NALF1: variants seen among roughly 807,000 people sequenced by gnomAD.
NALF1 encodes family with sequence similarity 155 member A.
NALF1 carries 3 observed loss-of-function variants against 48.4 expected under a neutral mutation model. The ratio of observed to expected loss-of-function variants is 0.06; its 90% CI spans 0.03 to 0.16. NALF1 has a LOEUF of 0.16. Ranked by LOEUF, NALF1 falls within the 10% of genes least tolerant of loss-of-function variation. The pLI, the probability that NALF1 is intolerant of heterozygous loss-of-function variation, is 1.00. For synonymous variants in NALF1, 262 were observed against 245.7 expected (o/e 1.07, Z -0.62); for missense variants, 526 against 571.5 (o/e 0.92, Z 0.81).
chr13:107,818,851 G>C (rs572622461), intron 1 of NALF1, among the ~76,000 whole-genome samples: 7 of 92,802 alleles, frequency 7.5e-5, no homozygotes, highest in African/African-American at 3.7e-4. Context: ...CAGCCTGGGC[G>C]ACAGAGCGAG....
intron 1 of NALF1, among the ~76,000 whole-genome samples, chr13:107,546,396 G>T (rs145694361): frequency 6.6e-6 from 1 of 151,822 alleles, no homozygotes; most frequent in East Asian, 1.9e-4. Context: ...CCTCTCACAT[G>T]TTTCCTCTTA....
intron 1 of NALF1, among the ~76,000 whole-genome samples, chr13:107,480,670 A>G (rs1885241068): frequency 6.6e-6 from 1 of 152,222 alleles, no homozygotes; most frequent in South Asian, 2.1e-4. Context: ...GTCCTGGGAT[A>G]CATGCGGCCC....
intron 1 of NALF1, among the ~76,000 whole-genome samples, chr13:107,637,356 C>T (rs73597309): frequency 0.016 from 2,497 of 151,808 alleles, 75 homozygotes; most frequent in African/African-American, 0.057. Flanking sequence ...TATTATATTT[C>T]TCCTATACTT....
At chr13:107,350,929 G>A (rs980171729) in intron 1 of NALF1, among the ~76,000 whole-genome samples, 1 of 152,146 alleles carries the variant, frequency 6.6e-6, no homozygotes, top group African/African-American at 2.4e-5. Flanking sequence ...GGAGACCACT[G>A]GGGTATGACA....
chr13:107,500,090 T>C (rs1352118929), intron 1 of NALF1, among the ~76,000 whole-genome samples: 14 of 152,164 alleles, frequency 9.2e-5, no homozygotes, highest in Non-Finnish European at 1.2e-4. Flanking sequence ...TTGTCAGCTT[T>C]AAAAGCACCC....
intron 1 of NALF1, among the ~76,000 whole-genome samples, chr13:107,303,512 A>G (rs1350663638): frequency 5.9e-5 from 9 of 152,204 alleles, no homozygotes; most frequent in Admixed American, 5.9e-4. Context: ...GTTTGTTATT[A>G]TAGCTGTAGA....
chr13:107,793,631 TC>T (rs1878318349), intron 1 of NALF1, among the ~76,000 whole-genome samples: 1 of 152,196 alleles, frequency 6.6e-6, no homozygotes, highest in Admixed American at 6.5e-5. Context: ...TATTAATATT[TC>T]TTTTTAAACC....
rs16971045 is a variant in NALF1 at position 107,750,338 on chromosome 13, A to T, written c.915+115344T>A. On this transcript the variant is annotated intron_variant, in intron 1 of 2. Transcript: ENST00000375915. ...TGTCTATCTTGGTGTTGCCTACAGT[A>T]ACCATGGGAAATGATTTCTCAGAAA... Among the ~76,000 whole-genome samples, 4,498 of 152,246 alleles carry T rather than the reference A, an allele frequency of 0.03. 347 individuals are homozygous for T. In the East Asian group the frequency reaches 0.31, roughly 10 times the overall value.
At chr13:107,650,283 G>A (rs553992543) in intron 1 of NALF1, among the ~76,000 whole-genome samples, 2 of 151,548 alleles carry the variant, frequency 1.3e-5, no homozygotes, top group Non-Finnish European at 2.9e-5. Flanking sequence ...TGGCCTGAAG[G>A]GGGCGAGCGA....
At chr13:107,660,420 A>T (rs946407694) in intron 1 of NALF1, among the ~76,000 whole-genome samples, 2 of 145,516 alleles carry the variant, frequency 1.4e-5, no homozygotes, top group African/African-American at 5.0e-5. Flanking sequence ...GTGACAGGGC[A>T]AGACTCTGTC....
At chr13:107,759,649 C>T (rs1877209695) in intron 1 of NALF1, among the ~76,000 whole-genome samples, 1 of 152,206 alleles carries the variant, frequency 6.6e-6, no homozygotes. Context: ...CAGAATCCAT[C>T]AGCCATCACT....
At chr13:107,261,341 TC>T (rs1880923544) in intron 1 of NALF1, among the ~76,000 whole-genome samples, 1 of 152,122 alleles carries the variant, frequency 6.6e-6, no homozygotes, top group Admixed American at 6.6e-5. Context: ...TCCAGTCCCA[TC>T]CCTGGATCCT....
intron 1 of NALF1, among the ~76,000 whole-genome samples, chr13:107,610,363 T>C (rs752186722): frequency 3.3e-5 from 5 of 152,172 alleles, no homozygotes; most frequent in African/African-American, 4.8e-5. Context: ...AATATCTACT[T>C]ACCTTAGTGG....
chr13:107,740,062 A>T (rs1489014817), intron 1 of NALF1, among the ~76,000 whole-genome samples: 1 of 152,174 alleles, frequency 6.6e-6, no homozygotes, highest in Non-Finnish European at 1.5e-5. Flanking sequence ...AGTGTAATCC[A>T]CTTGAATCAT....
chr13:107,773,352 AAC>A (rs1877631657), intron 1 of NALF1, among the ~76,000 whole-genome samples: 1 of 152,296 alleles, frequency 6.6e-6, no homozygotes, highest in Admixed American at 6.5e-5. Flanking sequence ...ACTCAGAATA[AAC>A]AAGCTCAGAA....
chr13:107,336,946 C>A (rs1293545131), intron 1 of NALF1, among the ~76,000 whole-genome samples: 1 of 150,120 alleles, frequency 6.7e-6, no homozygotes, highest in African/African-American at 2.4e-5. Context: ...GAAAAGCCCC[C>A]CCAAAATGAC....
chr13:107,218,612 A>AAAAAC (rs1555327193), intron 1 of NALF1, among the ~76,000 whole-genome samples: 1 of 151,374 alleles, frequency 6.6e-6, no homozygotes, highest in African/African-American at 2.4e-5. Flanking sequence ...GCCGAAAACA[A>AAAAAC]AAACAAACAA....
intron 1 of NALF1, among the ~76,000 whole-genome samples, chr13:107,831,883 A>G (rs947154485): frequency 6.6e-6 from 1 of 152,192 alleles, no homozygotes; most frequent in Non-Finnish European, 1.5e-5. Flanking sequence ...TAATAATGCA[A>G]AAATTCAACA....
At chr13:107,245,765 T>C (rs1370905827) in intron 1 of NALF1, among the ~76,000 whole-genome samples, 1 of 152,166 alleles carries the variant, frequency 6.6e-6, no homozygotes, top group Non-Finnish European at 1.5e-5. Flanking sequence ...TTTTTTTTTA[T>C]ATTCAGCCCA....
Sources: gnomAD v4.1 joint callset for allele counts (sites outside exome capture counted in the v4.1 genomes callset) on GRCh38, gnomAD v4.1.1 for gene constraint, MANE v1.5 for transcripts, NCBI Gene and HGNC (gene_info 2026-07-23, HGNC 2026-07-21) for gene names.